The following SUSD1 variants were observed in gnomAD, a reference collection of about 807,000 sequenced individuals.
SUSD1 encodes sushi domain-containing protein 1.
A neutral mutation model predicts 86.9 loss-of-function variants in SUSD1; 65 were observed. That is an observed-to-expected ratio of 0.75 (90% CI 0.61 to 0.92). SUSD1 has a LOEUF of 0.92. Ranked by LOEUF, SUSD1 falls within the 40% of genes least tolerant of loss-of-function variation. The pLI is 0.00. For synonymous variants in SUSD1, 346 were observed against 350.0 expected (o/e 0.99, Z 0.13); for missense variants, 850 against 929.7 (o/e 0.91, Z 1.11).
chr9:112,142,417 A>T lies in SUSD1; in HGVS notation c.609T>A (p.Arg203=), dbSNP rs761223625. 4.3e-6 allele frequency: 7 copies of T among 1,614,006 alleles called. No homozygotes were observed. In the Admixed American group the frequency reaches 1.2e-4, roughly 27 times the overall value. The change falls in exon 5 of 17, where the codon CGT becomes CGA. Residue 203 remains arginine, a synonymous_variant. Coordinates refer to ENST00000374270, the MANE Select transcript of SUSD1 (RefSeq NM_022486.5). ...TGAAGAATCCTTCTCTGCAAGCATA[A>T]CGAACCTGGCTGCCCAGACTAGACG... The part of the protein sequence containing the change: ...NYTSSLGSQV[R]YACREGFFSV...
intron 1 of SUSD1, among the ~76,000 whole-genome samples, chr9:112,167,644 G>C (rs1833878130): frequency 6.6e-6 from 1 of 152,156 alleles, no homozygotes; most frequent in South Asian, 2.1e-4. Flanking sequence ...CCACTTACTA[G>C]CTATGTAATC....
At chr9:112,088,691 C>T (rs544122666) in intron 10 of SUSD1, among the ~76,000 whole-genome samples, 3 of 152,316 alleles carry the variant, frequency 2.0e-5, no homozygotes, top group Admixed American at 2.0e-4. Context: ...ATTTGGGAGG[C>T]TGAGGTCGGA....
chr9:112,089,132 C>G (rs2131584453), intron 10 of SUSD1, among the ~76,000 whole-genome samples: 1 of 151,910 alleles, frequency 6.6e-6, no homozygotes, highest in East Asian at 1.9e-4. Flanking sequence ...AACAAACAAA[C>G]AAAAAACCTG....
intron 5 of SUSD1, among the ~76,000 whole-genome samples, chr9:112,139,572 G>A (rs891647629): frequency 1.3e-5 from 2 of 151,992 alleles, no homozygotes; most frequent in Admixed American, 6.6e-5. Context: ...AGCCTCCCAA[G>A]TAGCTGGGAC....
intron 1 of SUSD1, among the ~76,000 whole-genome samples, chr9:112,160,643 T>C (rs1833524981): frequency 6.6e-6 from 1 of 152,080 alleles, no homozygotes; most frequent in Admixed American, 6.6e-5. Flanking sequence ...TCCCAGGAGT[T>C]TGAGACTAAT....
intron 2 of SUSD1, among the ~76,000 whole-genome samples, chr9:112,152,878 T>G (rs1195999934): frequency 1.3e-5 from 2 of 150,332 alleles, no homozygotes; most frequent in Non-Finnish European, 3.0e-5. Flanking sequence ...CCTCGACTTC[T>G]TGAATAGCTA....
At chr9:112,147,000 GT>G in intron 3 of SUSD1, among the ~76,000 whole-genome samples, 1 of 152,102 alleles carries the variant, frequency 6.6e-6, no homozygotes, top group Non-Finnish European at 1.5e-5. Flanking sequence ...TAAATATACA[GT>G]TGTAAGTTTT....
At chr9:112,142,721 T>C in intron 4 of SUSD1, 1 of 446,498 alleles carries the variant, frequency 2.2e-6, no homozygotes, top group Non-Finnish European at 3.9e-6. Context: ...TGCACAAAGC[T>C]GAAATAACTT....
chr9:112,157,824 CTTT>C (rs72322597), intron 1 of SUSD1, among the ~76,000 whole-genome samples: 11 of 136,874 alleles, frequency 8.0e-5, no homozygotes, highest in Non-Finnish European at 9.3e-5. Flanking sequence ...TTCTTTCTTT[CTTT>C]TTTTTTTTTT....
chr9:112,066,685 T>C (rs939640764), intron 12 of SUSD1, among the ~76,000 whole-genome samples: 3 of 152,196 alleles, frequency 2.0e-5, no homozygotes, highest in Non-Finnish European at 4.4e-5. Context: ...ACTTTATATG[T>C]AAGTGCTCAG....
intron 10 of SUSD1, 93 bp downstream of exon 10, chr9:112,098,377 C>G (rs1311946470): frequency 1.5e-6 from 2 of 1,311,086 alleles, no homozygotes; most frequent in Non-Finnish European, 2.1e-6. Context: ...TGTCTCTTGA[C>G]TCCCAAACTA....
chr9:112,117,520 G>C (rs997753856), intron 6 of SUSD1, among the ~76,000 whole-genome samples: 1 of 152,158 alleles, frequency 6.6e-6, no homozygotes, highest in African/African-American at 2.4e-5. Context: ...CTCTATGTGT[G>C]TGTGTGTACA....
intron 12 of SUSD1, among the ~76,000 whole-genome samples, chr9:112,076,608 T>A (rs1291752061): frequency 6.6e-6 from 1 of 151,840 alleles, no homozygotes; most frequent in Admixed American, 6.6e-5. Flanking sequence ...GATATAGGAG[T>A]CTGGTGCTCA....
rs887833151 is a variant in SUSD1 at position 112,154,335 on chromosome 9, C to CA, written c.217+3164dup. On this transcript the variant is annotated intron_variant, in intron 2 of 16. Transcript: ENST00000374270. ...AAAACCCCACCTCCACACACACACACAAAAAAAAAAAAAAAAAGAGAGAGA... is the reference window on the plus strand; with the variant it reads ...AAAACCCCACCTCCACACACACACACAAAAAAAAAAAAAAAAAAGAGAGAGA... Among the ~76,000 whole-genome samples the CA allele has an allele frequency of 4.5e-3, 314 of 70,410 alleles. 1 individual carries two copies. Among genetic ancestry groups the CA allele is most frequent in the South Asian group, 0.013 (34 of 2,524 alleles). The allele number at this position is 70,410 out of a possible 152,430, so 46.2% of individuals were successfully genotyped here. A position where few individuals can be genotyped will look rare whatever the true frequency, so the allele number is the denominator to read the frequency against.
chr9:112,143,425 A>T (rs367690891), intron 4 of SUSD1, 46 bp downstream of exon 4: 327 of 1,601,684 alleles, frequency 2.0e-4, no homozygotes, highest in Non-Finnish European at 2.6e-4. Context: ...AGTCACCATC[A>T]ACAGAATTTC....
rs201445570 is a variant in SUSD1, at chr9:112,101,774, A to C, written c.1281+402T>G. On this transcript the variant is annotated intron_variant, in intron 9 of 16. Transcript: ENST00000374270. ...CGCAAGAGAATCGCTTGAACCCCGG[A>C]GGCAGAGATTGCAGTGAGCCGAGAT... Among the ~76,000 whole-genome samples the C allele has an allele frequency of 2.9e-4, 44 of 152,312 alleles. No homozygotes were observed. The East Asian group carries it at 8.5e-3, about 29-fold the overall frequency.
chr9:112,096,576 A>G (rs2484268), intron 10 of SUSD1, among the ~76,000 whole-genome samples: 151,642 of 152,322 alleles, frequency 1, 75,484 homozygotes, highest in Middle Eastern at 1. Flanking sequence ...ATCTTGCTCT[A>G]TTGCCCAGGC....
chr9:112,152,265 TTTAC>T (rs1833083507), intron 2 of SUSD1, among the ~76,000 whole-genome samples: 1 of 152,152 alleles, frequency 6.6e-6, no homozygotes, highest in Non-Finnish European at 1.5e-5. Context: ...CTGTAGCTTT[TTTAC>T]TTAAACTTTT....
intron 7 of SUSD1, chr9:112,112,057 T>G (rs1356438929): frequency 2.1e-6 from 1 of 469,734 alleles, no homozygotes. Flanking sequence ...CCCTAGGAAG[T>G]GCTCTCCTGC....
Sources: allele counts gnomAD v4.1 joint callset (sites outside exome capture counted in the v4.1 genomes callset), GRCh38; gene constraint gnomAD v4.1.1; transcripts MANE v1.5; gene names NCBI Gene and HGNC (gene_info 2026-07-23, HGNC 2026-07-21).